The following CSMD1 variants were observed in gnomAD, a reference collection of about 807,000 sequenced individuals.
The protein encoded by CSMD1 is CUB and Sushi multiple domains 1.
In CSMD1, 213 loss-of-function variants were observed where a neutral mutation model predicts 417.5. That is an observed-to-expected ratio of 0.51 (90% CI 0.46 to 0.57). The LOEUF (loss-of-function observed/expected upper bound fraction) is 0.57, where lower values mean the gene tolerates loss of function less well. Among genes scored for constraint, CSMD1 ranks in the 20% least tolerant of loss-of-function variants. CSMD1 has a pLI of 0.00. For synonymous variants in CSMD1, 2,862 were observed against 1,736.8 expected (o/e 1.65, Z -16.11); for missense variants, 6,923 against 4,529.7 (o/e 1.53, Z -15.17).
rs1323026299 is a variant in CSMD1 at position 3,639,549 on chromosome 8, G to A, written c.1010-22752C>T. ...CATAATAGGATGGATCAGAAGACCTGACTTCCTGCCTCAACCAGACCATCC... is the reference window on the plus strand; with the variant it reads ...CATAATAGGATGGATCAGAAGACCTAACTTCCTGCCTCAACCAGACCATCC... On this transcript the variant is annotated intron_variant, in intron 7 of 69. Coordinates refer to ENST00000635120, the MANE Select transcript of CSMD1 (RefSeq NM_033225.6). Among the ~76,000 whole-genome samples, 6 of 152,104 alleles carry A rather than the reference G, an allele frequency of 3.9e-5. No individual in the cohort carries two copies. The East Asian group carries it at 9.7e-4, about 24-fold the overall frequency.
intron 1 of CSMD1, among the ~76,000 whole-genome samples, chr8:4,748,585 A>G (rs1251008102): frequency 6.6e-6 from 1 of 152,214 alleles, no homozygotes; most frequent in African/African-American, 2.4e-5. Context: ...CATTCTGAGA[A>G]GACTCACGGG....
intron 3 of CSMD1, among the ~76,000 whole-genome samples, chr8:4,190,211 A>G (rs977593718): frequency 2.1e-4 from 31 of 147,000 alleles, no homozygotes; most frequent in African/African-American, 7.4e-4. Flanking sequence ...GTGAGCTGAG[A>G]TCGAGTCACT....
chr8:4,762,228 T>C (rs1812155895), intron 1 of CSMD1, among the ~76,000 whole-genome samples: 1 of 152,146 alleles, frequency 6.6e-6, no homozygotes, highest in African/African-American at 2.4e-5. Context: ...GCATGGTACC[T>C]GCTTGCGCTA....
intron 1 of CSMD1, among the ~76,000 whole-genome samples, chr8:4,755,439 A>G (rs901802689): frequency 1.3e-5 from 2 of 151,972 alleles, no homozygotes; most frequent in Non-Finnish European, 2.9e-5. Context: ...TACTATCTTA[A>G]TTTTTTTATT....
At position 4,767,246 on chromosome 8, in the gene CSMD1, G is replaced by A. The variant is rs1454998371; in HGVS notation, c.86-129688C>T. ...ACTGTCGAGTCCCAAATGGATGCAA[G>A]GTGAAAAGAAACAAAACTTTTAAAT... On this transcript the variant is annotated intron_variant, in intron 1 of 69. Coordinates refer to ENST00000635120, the MANE Select transcript of CSMD1 (RefSeq NM_033225.6). 7.9e-5 allele frequency among the ~76,000 whole-genome samples: 12 copies of A among 152,146 alleles called. No homozygotes were observed. In the East Asian group the frequency reaches 2.3e-3, roughly 29 times the overall value.
chr8:3,716,383 G>T (rs1021790009), intron 6 of CSMD1, among the ~76,000 whole-genome samples: 2 of 152,190 alleles, frequency 1.3e-5, no homozygotes, highest in African/African-American at 2.4e-5. Context: ...AAGGCCGCTG[G>T]TTGCCCATTT....
intron 10 of CSMD1, among the ~76,000 whole-genome samples, chr8:3,562,883 T>C (rs1799529415): frequency 6.6e-6 from 1 of 152,042 alleles, no homozygotes; most frequent in Non-Finnish European, 1.5e-5. Context: ...CAAGTTTACC[T>C]TTTAACAAAC....
chr8:3,635,224 C>G (rs1269850340), intron 7 of CSMD1, among the ~76,000 whole-genome samples: 3 of 152,022 alleles, frequency 2.0e-5, no homozygotes, highest in African/African-American at 7.2e-5. Context: ...GCCTGTAATC[C>G]CAGCACTTTC....
At chr8:3,650,403 G>T (rs1056411843) in intron 7 of CSMD1, among the ~76,000 whole-genome samples, 10 of 152,086 alleles carry the variant, frequency 6.6e-5, no homozygotes, top group Admixed American at 2.0e-4. Context: ...TTATGACATG[G>T]CAAAAAGTCA....
intron 2 of CSMD1, among the ~76,000 whole-genome samples, chr8:4,625,206 C>T (rs1802026658): frequency 6.6e-6 from 1 of 152,056 alleles, no homozygotes; most frequent in Non-Finnish European, 1.5e-5. Flanking sequence ...ACCTCGTCTA[C>T]ACAGCACGTT....
In CSMD1 at chr8:2,952,740, G is replaced by C. The variant is rs1354476469; in HGVS notation, c.10040-1465C>G. ...CTCTTCTGAAGTTACTAATCCACTT[G>C]TTCAAGCATTCACTTAAGTTAATCT... On this transcript the variant is annotated intron_variant, in intron 65 of 69. Coordinates refer to ENST00000635120, the MANE Select transcript of CSMD1 (RefSeq NM_033225.6). 2.0e-5 allele frequency among the ~76,000 whole-genome samples: 3 copies of C among 152,238 alleles called. No individual in the cohort carries two copies. In the East Asian group the frequency reaches 5.8e-4, roughly 29 times the overall value.
chr8:4,959,064 G>C lies in CSMD1; in HGVS notation c.85+35268C>G, dbSNP rs200831930. Among the ~76,000 whole-genome samples the C allele has an allele frequency of 3.9e-5, 6 of 152,256 alleles. No homozygotes were observed. The East Asian group carries it at 9.7e-4, about 25-fold the overall frequency. ...ATATAGTATATGTCATCAAATGGAA[G>C]ATGATTTCATCTAGAGGGAAATAGT... On this transcript the variant is annotated intron_variant, in intron 1 of 69. Coordinates refer to ENST00000635120, the MANE Select transcript of CSMD1 (RefSeq NM_033225.6).
At chr8:4,056,501 T>C (rs966986997) in intron 3 of CSMD1, among the ~76,000 whole-genome samples, 3 of 151,924 alleles carry the variant, frequency 2.0e-5, no homozygotes, top group African/African-American at 4.8e-5. Context: ...CTGAAAAATA[T>C]TGGGCTACTA....
chr8:4,809,906 C>A (rs538400657), intron 1 of CSMD1, among the ~76,000 whole-genome samples: 2 of 152,166 alleles, frequency 1.3e-5, no homozygotes, highest in African/African-American at 2.4e-5. Context: ...AATCCAAGTC[C>A]GGCCACTTAC....
chr8:3,374,910 G>T (rs73657830), intron 18 of CSMD1, among the ~76,000 whole-genome samples: 1,779 of 152,282 alleles, frequency 0.012, 29 homozygotes, highest in African/African-American at 0.039. Flanking sequence ...ATTGTTGCCT[G>T]GAACTCAGAA....
chr8:4,386,168 C>G (rs903234617), intron 3 of CSMD1, among the ~76,000 whole-genome samples: 2 of 152,150 alleles, frequency 1.3e-5, no homozygotes, highest in Non-Finnish European at 2.9e-5. Context: ...CCCACTCAAA[C>G]AATACACACT....
intron 3 of CSMD1, among the ~76,000 whole-genome samples, chr8:4,283,374 G>A (rs1032633833): frequency 6.6e-6 from 1 of 152,116 alleles, no homozygotes; most frequent in Non-Finnish European, 1.5e-5. Flanking sequence ...CATCTGAAAA[G>A]GGTATGTGTG....
chr8:3,806,201 T>G (rs945679569), intron 5 of CSMD1, among the ~76,000 whole-genome samples: 1 of 152,004 alleles, frequency 6.6e-6, no homozygotes. Context: ...AAACGCAGAG[T>G]GCTTTGGATT....
At chr8:4,602,621 T>G (rs1009197444) in intron 2 of CSMD1, among the ~76,000 whole-genome samples, 11 of 152,216 alleles carry the variant, frequency 7.2e-5, no homozygotes, top group Non-Finnish European at 1.5e-4. Context: ...TCAAAGAAGT[T>G]TGAAGGCGTA....
Sources: gnomAD v4.1 joint callset for allele counts (sites outside exome capture counted in the v4.1 genomes callset) on GRCh38, gnomAD v4.1.1 for gene constraint, MANE v1.5 for transcripts, NCBI Gene and HGNC (gene_info 2026-07-23, HGNC 2026-07-21) for gene names.